Variants in KIN observed in about 807,000 individuals in gnomAD.
KIN encodes the protein DNA/RNA-binding protein KIN17.
KIN carries 47 observed loss-of-function variants against 63.0 expected under a neutral mutation model. The ratio of observed to expected loss-of-function variants is 0.75; its 90% CI spans 0.59 to 0.95. The LOEUF is 0.95. KIN is among the 40% of genes least tolerant of loss of function. The pLI, the probability that KIN is intolerant of heterozygous loss-of-function variation, is 0.00. For missense variants in KIN, 408 were observed against 460.9 expected (o/e 0.89, Z 1.05); for synonymous variants, 160 against 157.7 (o/e 1.01, Z -0.11).
rs1388305846 is a variant in KIN, at chr10:7,783,090, T to C, written c.200A>G (p.Tyr67Cys). Residue 67 changes from tyrosine to cysteine, a missense_variant, in exon 2 of 13, where the codon TAT becomes TGT. Tyr to Cys is a radical substitution (Grantham distance 194). Coordinates refer to ENST00000379562, the MANE Select transcript of KIN (RefSeq NM_012311.4). ...ASENPQQFMD[Y>C]FSEEFRNDFL... The stretch of plus-strand genomic sequence containing the variant: ...TCTTTGAGTTACTTACTCTGAAAAA[T>C]AATCCATAAACTGCTGAGGATTTTC... 1 of 1,585,086 alleles carries C rather than the reference T, an allele frequency of 6.3e-7. No individual in the cohort carries two copies. Among genetic ancestry groups the C allele is most frequent in the Admixed American group, 1.7e-5 (1 of 57,502 alleles).
chr10:7,760,225 A>G (rs1409062889), intron 11 of KIN, among the ~76,000 whole-genome samples: 1 of 152,204 alleles, frequency 6.6e-6, no homozygotes, highest in Non-Finnish European at 1.5e-5. Context: ...TTAAAGGAAT[A>G]TGTATGTTTT....
chr10:7,777,312 G>A (rs750422520), intron 5 of KIN, among the ~76,000 whole-genome samples: 2 of 151,600 alleles, frequency 1.3e-5, no homozygotes, highest in Non-Finnish European at 2.9e-5. Context: ...TGGTATACTG[G>A]AACAATGGTT....
chr10:7,764,259 C>T (rs914015578), intron 9 of KIN, among the ~76,000 whole-genome samples: 1 of 152,128 alleles, frequency 6.6e-6, no homozygotes, highest in African/African-American at 2.4e-5. Flanking sequence ...TCACTATGCC[C>T]CTTTCTCATT....
intron 8 of KIN, among the ~76,000 whole-genome samples, chr10:7,767,218 G>A (rs1240500951): frequency 2.6e-5 from 4 of 151,952 alleles, no homozygotes; most frequent in South Asian, 2.1e-4. Flanking sequence ...GACCTCATAC[G>A]CCACCAGGTG....
intron 2 of KIN, among the ~76,000 whole-genome samples, chr10:7,781,514 A>G (rs1376751057): frequency 6.6e-6 from 1 of 151,854 alleles, no homozygotes; most frequent in African/African-American, 2.4e-5. Context: ...GGACTTTGGG[A>G]GATCGAGAGA....
intron 5 of KIN, among the ~76,000 whole-genome samples, chr10:7,776,871 A>G (rs1219284970): frequency 1.3e-5 from 2 of 151,140 alleles, no homozygotes; most frequent in African/African-American, 2.4e-5. Context: ...CTTGGACAAC[A>G]TTGCAAGAGC....
intron 1 of KIN, among the ~76,000 whole-genome samples, chr10:7,787,143 A>G (rs1480988422): frequency 6.6e-6 from 1 of 152,216 alleles, no homozygotes; most frequent in South Asian, 2.1e-4. Flanking sequence ...TACTTCACTC[A>G]TTTAAAACTC....
chr10:7,777,807 G>T (rs139856202), intron 5 of KIN, among the ~76,000 whole-genome samples: 1 of 151,594 alleles, frequency 6.6e-6, no homozygotes, highest in African/African-American at 2.4e-5. Context: ...GCTGAGACAC[G>T]AGAATCGCTT....
At chr10:7,774,563 G>A (rs934501024) in intron 7 of KIN, among the ~76,000 whole-genome samples, 1 of 151,802 alleles carries the variant, frequency 6.6e-6, no homozygotes, top group Non-Finnish European at 1.5e-5. Context: ...GGGCGTGCCT[G>A]TAATCCCAGC....
At chr10:7,780,998 T>C (rs1331225512) in intron 2 of KIN, among the ~76,000 whole-genome samples, 2 of 152,220 alleles carry the variant, frequency 1.3e-5, no homozygotes, top group South Asian at 2.1e-4. Flanking sequence ...TGGCACTTAA[T>C]ATGTCCCTCT....
At chr10:7,765,237 G>A (rs1412652547) in intron 9 of KIN, among the ~76,000 whole-genome samples, 1 of 151,836 alleles carries the variant, frequency 6.6e-6, no homozygotes, top group Non-Finnish European at 1.5e-5. Flanking sequence ...GAGGCAGGAG[G>A]ATCACTTGAG....
chr10:7,757,957 T>G (rs986951635), intron 12 of KIN, among the ~76,000 whole-genome samples: 1 of 148,960 alleles, frequency 6.7e-6, no homozygotes, highest in Non-Finnish European at 1.5e-5. Flanking sequence ...GTGCCAGAAA[T>G]GATAAAAATA....
chr10:7,776,123 A>G (rs1835765288), intron 5 of KIN, among the ~76,000 whole-genome samples: 1 of 151,584 alleles, frequency 6.6e-6, no homozygotes, highest in South Asian at 2.1e-4. Flanking sequence ...CCAGCTACTC[A>G]GGAGGCTGAG....
At chr10:7,769,871 CA>C (rs1835631090) in intron 7 of KIN, among the ~76,000 whole-genome samples, 1 of 152,174 alleles carries the variant, frequency 6.6e-6, no homozygotes, top group Admixed American at 6.5e-5. Flanking sequence ...TTTTGTAAAG[CA>C]AAGTTCTCAA....
rs540557420 is a variant in KIN, at chr10:7,758,191, G to A, written c.1119+1699C>T. 1.2e-4 allele frequency among the ~76,000 whole-genome samples: 18 copies of A among 151,696 alleles called. No individual in the cohort carries two copies. In the South Asian group the frequency reaches 3.3e-3, roughly 28 times the overall value. On this transcript the variant is annotated intron_variant, in intron 12 of 12. Transcript: ENST00000379562. Reference sequence around the variant, plus strand: ...AGGTTCAAGCGATTCTCCTGCCTCAGTCTCCCGAGCTGGGACTTCAGGCAT... The same window carrying A: ...AGGTTCAAGCGATTCTCCTGCCTCAATCTCCCGAGCTGGGACTTCAGGCAT...
intron 4 of KIN, among the ~76,000 whole-genome samples, chr10:7,779,382 G>C (rs1280836857): frequency 6.6e-6 from 1 of 152,112 alleles, no homozygotes; most frequent in African/African-American, 2.4e-5. Flanking sequence ...ACTTCAGCCT[G>C]GCAACAGAGC....
chr10:7,758,107 G>A (rs1174704826), intron 12 of KIN, among the ~76,000 whole-genome samples: 8 of 139,422 alleles, frequency 5.7e-5, no homozygotes, highest in Non-Finnish European at 9.1e-5. Flanking sequence ...ACGGAGTCTC[G>A]CTGTCACCCA....
At chr10:7,780,509 C>T (rs1395041220) in intron 2 of KIN, among the ~76,000 whole-genome samples, 1 of 152,096 alleles carries the variant, frequency 6.6e-6, no homozygotes, top group African/African-American at 2.4e-5. Context: ...ATTCTCTTGC[C>T]TCAGCCTCCC....
chr10:7,767,032 A>AC (rs1414944842), intron 8 of KIN, among the ~76,000 whole-genome samples: 1 of 147,566 alleles, frequency 6.8e-6, no homozygotes, highest in Non-Finnish European at 1.5e-5. Flanking sequence ...CAAAAAAAAA[A>AC]AAAAAACCTC....
Sources: gnomAD v4.1 joint callset for allele counts (sites outside exome capture counted in the v4.1 genomes callset) on GRCh38, gnomAD v4.1.1 for gene constraint, MANE v1.5 for transcripts, NCBI Gene and HGNC (gene_info 2026-07-23, HGNC 2026-07-21) for gene names.